Variants in SYNE1 observed in about 807,000 individuals in gnomAD.
The protein encoded by SYNE1 is nesprin-1.
SYNE1 carries 616 observed loss-of-function variants against 1,111.0 expected under a neutral mutation model. The ratio of observed to expected loss-of-function variants is 0.55; its 90% CI spans 0.52 to 0.59. The LOEUF (loss-of-function observed/expected upper bound fraction) is 0.59. Ranked by LOEUF, SYNE1 falls within the 20% of genes least tolerant of loss-of-function variation. The probability of loss-of-function intolerance (pLI) is 0.00; values close to 1 mark genes in which losing one functional copy is unlikely to be tolerated. For synonymous variants in SYNE1, 3,855 were observed against 3,825.8 expected, an observed-to-expected ratio of 1.01 and a Z score of -0.28; for missense variants, 10,006 against 10,417.0, an observed-to-expected ratio of 0.96 and a Z score of 1.72.
Position 152,434,016 on chromosome 6 carries a change from A to G in SYNE1, c.4311-71T>C. On this transcript the variant is annotated intron_variant, in intron 33 of 145. Coordinates refer to ENST00000367255, the MANE Select transcript of SYNE1 (RefSeq NM_182961.4). ...AGAACAACAACACATTTTCCTTGAAATCACCAGGTGAAGAGATAATGAAGA... is the reference window on the plus strand; with the variant it reads ...AGAACAACAACACATTTTCCTTGAAGTCACCAGGTGAAGAGATAATGAAGA... 9 of 1,359,900 alleles carry G rather than the reference A, an allele frequency of 6.6e-6. No individual in the cohort carries two copies. The South Asian group carries it at 1.1e-4, about 17-fold the overall frequency. The allele number at this position is 1,359,900 out of a possible 1,614,324, so 84.2% of individuals were successfully genotyped here. A position where few individuals can be genotyped will look rare whatever the true frequency, so the allele number is the denominator to read the frequency against.
chr6:152,432,754 T>C (rs1238942845), intron 34 of SYNE1, among the ~76,000 whole-genome samples: 1 of 152,212 alleles, frequency 6.6e-6, no homozygotes, highest in Non-Finnish European at 1.5e-5. Flanking sequence ...TCTTAGAATT[T>C]AGTGAAAATG....
At chr6:152,606,976 C>CTTTTTTTTTTTTTTTTT (rs11387272) in intron 3 of SYNE1, among the ~76,000 whole-genome samples, 8 of 109,136 alleles carry the variant, frequency 7.3e-5, no homozygotes, top group African/African-American at 2.6e-4. Context: ...TGCCTCGGTT[C>CTTTTTTTTTTTTTTTTT]TCTTTTTTTT....
At chr6:152,404,350 ACT>A in intron 45 of SYNE1, 36 bp from the exon 46 acceptor site, 1 of 1,448,530 alleles carries the variant, frequency 6.9e-7, no homozygotes. Context: ...AATCAAAAAC[ACT>A]GACATGCTAT....
chr6:152,289,878 G>A (rs559121255), intron 95 of SYNE1, among the ~76,000 whole-genome samples: 16 of 150,878 alleles, frequency 1.1e-4, no homozygotes, highest in Non-Finnish European at 1.9e-4. Context: ...CGCCCGCCTT[G>A]GCCTCCCAAA....
chr6:152,607,672 C>G (rs2099619776), intron 3 of SYNE1, among the ~76,000 whole-genome samples: 1 of 152,150 alleles, frequency 6.6e-6, no homozygotes, highest in African/African-American at 2.4e-5. Flanking sequence ...ACCCAACAAT[C>G]CCATTACTGG....
Position 152,148,235 on chromosome 6 carries a change from A to C in SYNE1, c.24786T>G (p.Ala8262=), listed in dbSNP as rs978851902. Reference sequence around the variant, plus strand: ...CTGACCGCTCGCTCCGGAGGGGCTGAGCGAGCGAGAGGGAGAGATTGGAGG... The same window carrying C: ...CTGACCGCTCGCTCCGGAGGGGCTGCGCGAGCGAGAGGGAGAGATTGGAGG... ...QPSSNLSLSL[A]QPLRSERSGR... Residue 8262 remains alanine, a synonymous_variant, in exon 137 of 146, where the codon GCT becomes GCG. Coordinates refer to ENST00000367255, the MANE Select transcript of SYNE1 (RefSeq NM_182961.4). This position sits in a 1 kb window ranked among gnomAD's most constrained non-coding sequence, Gnocchi z 4.1. The C allele has an allele frequency of 3.1e-6, 5 of 1,613,842 alleles. No homozygotes were observed. In the African/African-American group the frequency reaches 5.3e-5, roughly 17 times the overall value.
rs1335229407 is a variant in SYNE1, at chr6:152,309,931, C to T, written c.17106G>A (p.Val5702=). The T allele has an allele frequency of 1.2e-6, 2 of 1,614,064 alleles. No homozygotes were observed. Among genetic ancestry groups the T allele is most frequent in the Non-Finnish European group, 1.7e-6 (2 of 1,180,056 alleles). Residue 5702 remains valine (V), a synonymous_variant, in exon 90 of 146, where the codon GTG becomes GTA. Coordinates refer to ENST00000367255, the MANE Select transcript of SYNE1 (RefSeq NM_182961.4). Reference sequence around the variant, plus strand: ...CATGACAGAGAGGTAAGCTGGCAACCACATCCTCGGGGATCCGGAGGGCAC... The same window carrying T: ...CATGACAGAGAGGTAAGCTGGCAACTACATCCTCGGGGATCCGGAGGGCAC... ...CQSALRIPED[V]VASLPLCHAA...
chr6:152,266,204 A>T (rs535475902), intron 100 of SYNE1, among the ~76,000 whole-genome samples: 1 of 152,246 alleles, frequency 6.6e-6, no homozygotes, highest in East Asian at 1.9e-4. Context: ...TTGAAAGAGT[A>T]ACTTACAGTT....
At chr6:152,299,175 A>AT (rs1020919543) in intron 93 of SYNE1, among the ~76,000 whole-genome samples, 1 of 152,086 alleles carries the variant, frequency 6.6e-6, no homozygotes, top group Non-Finnish European at 1.5e-5. Context: ...GAAAAGGTAT[A>AT]TTTTTTCCAC....
intron 82 of SYNE1, among the ~76,000 whole-genome samples, chr6:152,322,653 G>A (rs192605306): frequency 2.6e-5 from 4 of 152,184 alleles, no homozygotes; most frequent in Admixed American, 2.6e-4. Flanking sequence ...AGCTCTCAAT[G>A]GTTTCCATCT....
At chr6:152,398,332 CTT>C (rs1229392373) in intron 49 of SYNE1, among the ~76,000 whole-genome samples, 1 of 152,108 alleles carries the variant, frequency 6.6e-6, no homozygotes, top group Non-Finnish European at 1.5e-5. Context: ...TTATTATACT[CTT>C]ATTGTTATAA....
At chr6:152,595,900 T>C (rs2099579710) in intron 3 of SYNE1, among the ~76,000 whole-genome samples, 1 of 152,004 alleles carries the variant, frequency 6.6e-6, no homozygotes, top group East Asian at 1.9e-4. Context: ...AAATATTCTA[T>C]ATCCTGAATA....
intron 106 of SYNE1, 31 bp downstream of exon 106, chr6:152,244,506 G>A: frequency 6.2e-7 from 1 of 1,613,750 alleles, no homozygotes; most frequent in Non-Finnish European, 8.5e-7. Context: ...ATGTACCCCT[G>A]CAGCTGAATA....
In SYNE1 at chr6:152,417,054, C is replaced by T. The variant is rs1445423367; in HGVS notation, c.5422-39G>A. 4 of 1,611,230 alleles carry T rather than the reference C, an allele frequency of 2.5e-6. No homozygotes were observed. In the African/African-American group the frequency reaches 5.3e-5, roughly 21 times the overall value. On this transcript the variant is annotated intron_variant, in intron 40 of 145. Coordinates refer to ENST00000367255, the MANE Select transcript of SYNE1 (RefSeq NM_182961.4). ...GAGAGTTATTGATTCCTGAGATACACTACAGTCTATGGCAGAGGTATTTTA... is the reference window on the plus strand; with the variant it reads ...GAGAGTTATTGATTCCTGAGATACATTACAGTCTATGGCAGAGGTATTTTA...
intron 2 of SYNE1, among the ~76,000 whole-genome samples, chr6:152,633,579 A>G (rs2099701508): frequency 6.6e-6 from 1 of 152,212 alleles, no homozygotes; most frequent in African/African-American, 2.4e-5. Flanking sequence ...TTTTTTGTTC[A>G]GGACACAGAG....
chr6:152,325,871 G>A, intron 80 of SYNE1, 87 bp downstream of exon 80: 1 of 1,518,804 alleles, frequency 6.6e-7, no homozygotes, highest in Non-Finnish European at 9.1e-7. Flanking sequence ...AAAAGTCCAG[G>A]TAGAAATGAA....
In SYNE1 at chr6:152,142,433, T is replaced by C. The variant is rs576108483; in HGVS notation, c.25120-1104A>G. ...AGAGCAATATTAAAGCCAGCTGTTTTATAAAAAAAATGTAAGCAATGTTTA... is the reference window on the plus strand; with the variant it reads ...AGAGCAATATTAAAGCCAGCTGTTTCATAAAAAAAATGTAAGCAATGTTTA... On this transcript the variant is annotated intron_variant, in intron 138 of 145. Transcript: ENST00000367255. 3.9e-3 allele frequency among the ~76,000 whole-genome samples: 593 copies of C among 152,258 alleles called. 5 individuals are homozygous for C. Among genetic ancestry groups the C allele is most frequent in the African/African-American group, 0.014 (568 of 41,524 alleles).
intron 75 of SYNE1, among the ~76,000 whole-genome samples, chr6:152,338,869 TC>T (rs1161202511): frequency 1.3e-5 from 2 of 151,832 alleles, no homozygotes; most frequent in African/African-American, 2.4e-5. Flanking sequence ...AAAGAAAGGG[TC>T]AAGAGCCCCT....
At chr6:152,164,530 G>A (rs1197704982) in intron 130 of SYNE1, among the ~76,000 whole-genome samples, 1 of 152,214 alleles carries the variant, frequency 6.6e-6, no homozygotes, top group Non-Finnish European at 1.5e-5. Flanking sequence ...GGAGGCAGGG[G>A]TCCAGGGCAC....
Sources: allele counts gnomAD v4.1 joint callset (sites outside exome capture counted in the v4.1 genomes callset), GRCh38; gene constraint gnomAD v4.1.1; non-coding constraint Gnocchi (gnomAD v3.1); transcripts MANE v1.5; gene names NCBI Gene and HGNC (gene_info 2026-07-23, HGNC 2026-07-21).